KLHL1: variants seen among roughly 807,000 people sequenced by gnomAD.
KLHL1 encodes kelch-like protein 1.
Under a neutral mutation model 77.7 loss-of-function variants are expected in KLHL1, and 47 were observed. That is an observed-to-expected ratio of 0.60 (90% CI 0.48 to 0.77). KLHL1 has a LOEUF of 0.77. KLHL1 is among the 30% of genes least tolerant of loss of function. The pLI, the probability that KLHL1 is intolerant of heterozygous loss-of-function variation, is 0.00. For synonymous variants in KLHL1, 360 were observed against 325.2 expected, an observed-to-expected ratio of 1.11 and a Z score of -1.15; for missense variants, 925 against 910.8, an observed-to-expected ratio of 1.02 and a Z score of -0.20.
intron 7 of KLHL1, among the ~76,000 whole-genome samples, chr13:69,781,908 T>TAATA (rs1445816875): frequency 7.9e-6 from 1 of 127,298 alleles, no homozygotes; most frequent in African/African-American, 3.0e-5. Context: ...TCCCATAATT[T>TAATA]AATAGTCATT....
intron 7 of KLHL1, among the ~76,000 whole-genome samples, chr13:69,794,748 T>G (rs1236440652): frequency 6.6e-6 from 1 of 151,892 alleles, no homozygotes; most frequent in Non-Finnish European, 1.5e-5. Flanking sequence ...ATAGCAAGAA[T>G]GTAAAAAACA....
Position 69,777,529 on chromosome 13 carries a change from TA to T in KLHL1, c.1639+19208del, listed in dbSNP as rs1593819141. On this transcript the variant is annotated intron_variant, in intron 7 of 10. Transcript: ENST00000377844. ...AAAATACTTTCATGAGATAATCCAA[TA>T]TCATTTAAATTAATTTATTTTCCAA... 3.3e-5 allele frequency among the ~76,000 whole-genome samples: 5 copies of T among 152,336 alleles called. No individual in the cohort carries two copies. The East Asian group carries it at 9.6e-4, about 29-fold the overall frequency.
At chr13:69,789,816 AAAG>A (rs751866506) in intron 7 of KLHL1, among the ~76,000 whole-genome samples, 114 of 152,184 alleles carry the variant, frequency 7.5e-4, no homozygotes, top group Non-Finnish European at 2.1e-4. Flanking sequence ...TGACCAAAGC[AAAG>A]AAGGAAAGAA....
At chr13:69,976,826 T>A (rs575798197) in intron 1 of KLHL1, among the ~76,000 whole-genome samples, 31 of 152,194 alleles carry the variant, frequency 2.0e-4, no homozygotes, top group African/African-American at 6.7e-4. Flanking sequence ...ACTGAGGCAA[T>A]CAGGACTTAG....
At chr13:70,051,135 C>T (rs1886620212) in intron 1 of KLHL1, among the ~76,000 whole-genome samples, 1 of 151,920 alleles carries the variant, frequency 6.6e-6, no homozygotes, top group African/African-American at 2.4e-5. Flanking sequence ...GATTACTCTA[C>T]AAAATATTCA....
intron 5 of KLHL1, among the ~76,000 whole-genome samples, chr13:69,840,957 C>A (rs1879235076): frequency 6.6e-6 from 1 of 151,430 alleles, no homozygotes; most frequent in East Asian, 1.9e-4. Context: ...AAATAATTAA[C>A]CTCTACAGTA....
At chr13:70,057,860 G>A (rs1269038105) in intron 1 of KLHL1, among the ~76,000 whole-genome samples, 9 of 150,900 alleles carry the variant, frequency 6.0e-5, no homozygotes, top group African/African-American at 2.2e-4. Context: ...GAATATTGAT[G>A]CAAAAATCCT....
chr13:69,838,473 A>G lies in KLHL1; in HGVS notation c.1414+503T>C, dbSNP rs184805348. On this transcript the variant is annotated intron_variant, in intron 6 of 10. Transcript: ENST00000377844. ...ATGCATATGTTTAGTTTTTAAACAAATAATTTATTTTCTTTTGAAGGACTA... is the reference window on the plus strand; with the variant it reads ...ATGCATATGTTTAGTTTTTAAACAAGTAATTTATTTTCTTTTGAAGGACTA... Among the ~76,000 whole-genome samples, 5 of 151,968 alleles carry G rather than the reference A, an allele frequency of 3.3e-5. No individual in the cohort carries two copies. The East Asian group carries it at 9.7e-4, about 29-fold the overall frequency.
intron 6 of KLHL1, among the ~76,000 whole-genome samples, chr13:69,807,894 G>A (rs927983015): frequency 5.3e-5 from 8 of 152,224 alleles, no homozygotes; most frequent in South Asian, 2.1e-4. Flanking sequence ...ATTGCTGGGT[G>A]CCCCAGGCTG....
intron 5 of KLHL1, among the ~76,000 whole-genome samples, chr13:69,855,401 T>C (rs76384456): frequency 0.03 from 3,451 of 115,682 alleles, 90 homozygotes; most frequent in African/African-American, 0.047. Context: ...TAGAGATAGA[T>C]AGAGATACAG....
At chr13:69,903,249 T>C (rs1442662380) in intron 4 of KLHL1, among the ~76,000 whole-genome samples, 1 of 152,108 alleles carries the variant, frequency 6.6e-6, no homozygotes, top group African/African-American at 2.4e-5. Flanking sequence ...GGTGCCAAGA[T>C]AAACTGCAGC....
chr13:69,897,179 G>A (rs1428746345), intron 4 of KLHL1, among the ~76,000 whole-genome samples: 1 of 152,108 alleles, frequency 6.6e-6, no homozygotes, highest in African/African-American at 2.4e-5. Flanking sequence ...ATTTTCAGGG[G>A]AATCTTTGTC....
rs1881921230 is a variant in KLHL1 at position 69,902,948 on chromosome 13, T to A, written c.1015-20453A>T. ...ATAATTCAATACCATAGCTTTTCCATTATATATATAATGAAAAAGTATGTA... is the reference window on the plus strand; with the variant it reads ...ATAATTCAATACCATAGCTTTTCCAATATATATATAATGAAAAAGTATGTA... On this transcript the variant is annotated intron_variant, in intron 4 of 10. Coordinates refer to ENST00000377844, the MANE Select transcript of KLHL1 (RefSeq NM_020866.3). Among the ~76,000 whole-genome samples, 2 of 152,138 alleles carry A rather than the reference T, an allele frequency of 1.3e-5. 1 individual carries two copies. The highest frequency in any genetic ancestry group is 4.8e-5 in the African/African-American group (2 of 41,430).
chr13:69,920,235 T>C (rs1194529369), intron 4 of KLHL1, among the ~76,000 whole-genome samples: 3 of 152,128 alleles, frequency 2.0e-5, no homozygotes, highest in Non-Finnish European at 2.9e-5. Context: ...TTCACTAAAA[T>C]ACATGTGAGA....
At chr13:70,029,281 A>T (rs1015733751) in intron 1 of KLHL1, among the ~76,000 whole-genome samples, 2 of 152,104 alleles carry the variant, frequency 1.3e-5, no homozygotes, top group African/African-American at 4.8e-5. Context: ...GATGAAAGAA[A>T]TTTGAACAGT....
chr13:69,930,902 T>A (rs1210019355), intron 4 of KLHL1, among the ~76,000 whole-genome samples: 1 of 151,640 alleles, frequency 6.6e-6, no homozygotes, highest in Non-Finnish European at 1.5e-5. Flanking sequence ...CGTTAATCAG[T>A]GACTACATAT....
intron 8 of KLHL1, 29 bp downstream of exon 8, chr13:69,740,361 TAAGA>T: frequency 1.4e-6 from 2 of 1,464,190 alleles, no homozygotes; most frequent in South Asian, 1.3e-5. Context: ...ACTTTTTTTC[TAAGA>T]TTAAAAAATA....
chr13:69,740,452 A>G lies in KLHL1; in HGVS notation c.1744T>C (p.Phe582Leu), dbSNP rs1727340762. The change falls in exon 8 of 11, where the codon TTT (phenylalanine) becomes CTT (leucine). Residue 582 changes from phenylalanine (F) to leucine (L), a missense_variant. By Grantham distance (22) the Phe-to-Leu change is conservative. Coordinates refer to ENST00000377844, the MANE Select transcript of KLHL1 (RefSeq NM_020866.3). ...RWDPQSQQWTFVASMSIARST... is the reference protein window; with the variant it reads ...RWDPQSQQWTLVASMSIARST... ...CGAGCAATTGACATACTGGCTACAA[A>G]TGTCCATTGTTGACTCTGTGGATCC... 1.2e-6 allele frequency: 2 copies of G among 1,612,712 alleles called. No homozygotes were observed. The highest frequency in any genetic ancestry group is 1.7e-6 in the Non-Finnish European group (2 of 1,179,112).
intron 7 of KLHL1, among the ~76,000 whole-genome samples, chr13:69,782,213 G>A (rs7326264): frequency 0.033 from 4,978 of 152,232 alleles, 129 homozygotes; most frequent in African/African-American, 0.051. Flanking sequence ...GAACAGCTCC[G>A]GTCTACAGCT....
Sources: allele counts gnomAD v4.1 joint callset (sites outside exome capture counted in the v4.1 genomes callset), GRCh38; gene constraint gnomAD v4.1.1; transcripts MANE v1.5; gene names NCBI Gene and HGNC (gene_info 2026-07-23, HGNC 2026-07-21).